Variants in AFAP1L1 observed in about 807,000 individuals in gnomAD.
The protein encoded by AFAP1L1 is actin filament-associated protein 1-like 1.
AFAP1L1 carries 77 observed loss-of-function variants against 99.8 expected under a neutral mutation model. That is an observed-to-expected ratio of 0.77 (90% CI 0.64 to 0.93). The LOEUF (loss-of-function observed/expected upper bound fraction) is 0.93, where lower values mean the gene tolerates loss of function less well. Among genes scored for constraint, AFAP1L1 ranks in the 40% least tolerant of loss-of-function variants. The probability of loss-of-function intolerance (pLI) is 0.00; values close to 1 mark genes in which losing one functional copy is unlikely to be tolerated. For missense variants in AFAP1L1, 893 were observed against 996.8 expected (o/e 0.90, Z 1.40); for synonymous variants, 373 against 395.3 (o/e 0.94, Z 0.67).
chr5:149,300,598 G>A (rs1416932610), intron 3 of AFAP1L1, among the ~76,000 whole-genome samples: 1 of 152,242 alleles, frequency 6.6e-6, no homozygotes, highest in Non-Finnish European at 1.5e-5. Flanking sequence ...AGAAGGCATG[G>A]CACATTAGGG....
rs1277367178 is a variant in AFAP1L1 at position 149,302,455 on chromosome 5, C to A, written c.365C>A (p.Pro122His). ...DLPPPLPNKPPPEDYYEEALP... is the reference protein window; with the variant it reads ...DLPPPLPNKPHPEDYYEEALP... ...CCTCCACCGCTCCCCAACAAGCCTC[C>A]CCCTGAGGACTACTATGAAGAGGCC... Residue 122 changes from proline (P) to histidine (H), a missense_variant, in exon 5 of 19, where the codon CCC (proline) becomes CAC (histidine). By Grantham distance (77) the Pro-to-His change is moderately conservative (BLOSUM62 -2). Transcript: ENST00000296721. The A allele has an allele frequency of 6.3e-7, 1 of 1,596,352 alleles. No individual in the cohort carries two copies. Among genetic ancestry groups the A allele is most frequent in the Non-Finnish European group, 8.5e-7 (1 of 1,171,634 alleles).
intron 14 of AFAP1L1, 23 bp from the exon 15 acceptor site, chr5:149,322,583 T>G (rs1201074744): frequency 2.6e-6 from 4 of 1,545,942 alleles, no homozygotes; most frequent in Non-Finnish European, 3.5e-6. Context: ...TGAACTTGAC[T>G]GTCTTCCTCC....
At position 149,322,591 on chromosome 5, in the gene AFAP1L1, T is replaced by A; in HGVS notation, c.1699-15T>A. 6.4e-7 allele frequency: 1 copy of A among 1,555,356 alleles called. No homozygotes were observed. Among genetic ancestry groups the A allele is most frequent in the Non-Finnish European group, 8.7e-7 (1 of 1,147,756 alleles). On this transcript the variant is annotated splice_polypyrimidine_tract_variant and intron_variant, in intron 14 of 18. Coordinates refer to ENST00000296721, the MANE Select transcript of AFAP1L1 (RefSeq NM_152406.4). ...GCCTGCCTGAACTTGACTGTCTTCC[T>A]CCATCTCCCACCAGGACGAGGAGCC...
At chr5:149,333,600 C>G (rs3098389) in intron 17 of AFAP1L1, among the ~76,000 whole-genome samples, 86,322 of 152,030 alleles carry the variant, frequency 0.57, 25,502 homozygotes, top group African/African-American at 0.73. Context: ...TCTACACCAG[C>G]GCTTCTCAAC....
At chr5:149,325,883 A>C (rs1023633169) in intron 15 of AFAP1L1, among the ~76,000 whole-genome samples, 2 of 152,178 alleles carry the variant, frequency 1.3e-5, no homozygotes, top group African/African-American at 4.8e-5. Flanking sequence ...CCATCCATGA[A>C]GGCAAAGCCC....
intron 15 of AFAP1L1, among the ~76,000 whole-genome samples, chr5:149,323,904 G>A (rs182546101): frequency 3.3e-5 from 5 of 152,282 alleles, no homozygotes; most frequent in Non-Finnish European, 7.4e-5. Flanking sequence ...GAATGTCAAC[G>A]ACAACAACAA....
chr5:149,307,247 C>CA (rs1159936338), intron 6 of AFAP1L1, among the ~76,000 whole-genome samples, 155 bp from the exon 7 acceptor site: 12 of 149,442 alleles, frequency 8.0e-5, no homozygotes, highest in Non-Finnish European at 1.8e-4. Flanking sequence ...ATTCCGTCTC[C>CA]AAAAAAAAAG....
intron 18 of AFAP1L1, among the ~76,000 whole-genome samples, chr5:149,337,013 A>G (rs1339546729): frequency 6.6e-6 from 1 of 152,238 alleles, no homozygotes; most frequent in African/African-American, 2.4e-5. Context: ...AAGGACCTAA[A>G]TTCCAAGCTA....
intron 1 of AFAP1L1, among the ~76,000 whole-genome samples, chr5:149,275,442 T>TTTCTTC (rs201488006): frequency 0.022 from 3,245 of 150,892 alleles, 320 homozygotes; most frequent in Admixed American, 0.17. Context: ...ATCTCTGGTG[T>TTTCTTC]TTCTTCTTCT....
At chr5:149,307,903 C>G (rs1206645037) in intron 7 of AFAP1L1, among the ~76,000 whole-genome samples, 1 of 150,210 alleles carries the variant, frequency 6.7e-6, no homozygotes, top group African/African-American at 2.4e-5. Context: ...CACCTGTAAT[C>G]CCAGCACTTT....
At chr5:149,272,492 G>T (rs1386508128) in intron 1 of AFAP1L1, among the ~76,000 whole-genome samples, 1 of 152,164 alleles carries the variant, frequency 6.6e-6, no homozygotes, top group Admixed American at 6.5e-5. Flanking sequence ...AGGCGGGGGT[G>T]GTTCTATCCC....
chr5:149,292,042 T>C (rs1240272777), intron 1 of AFAP1L1, among the ~76,000 whole-genome samples: 2 of 152,238 alleles, frequency 1.3e-5, no homozygotes, highest in Non-Finnish European at 2.9e-5. Flanking sequence ...AGTTGTATAT[T>C]TTCCTATGGC....
chr5:149,302,353 C>A, intron 4 of AFAP1L1, 65 bp from the exon 5 acceptor site: 1 of 1,225,408 alleles, frequency 8.2e-7, no homozygotes, highest in Non-Finnish European at 1.1e-6. Flanking sequence ...CTGCCTCCCT[C>A]TCCCTCAGCC....
intron 11 of AFAP1L1, among the ~76,000 whole-genome samples, chr5:149,316,730 A>G (rs746838967): frequency 6.6e-6 from 1 of 152,220 alleles, no homozygotes; most frequent in Non-Finnish European, 1.5e-5. Context: ...AATGCATTCA[A>G]TGTGAATTAA....
At chr5:149,324,942 T>C (rs886488673) in intron 15 of AFAP1L1, among the ~76,000 whole-genome samples, 1 of 152,154 alleles carries the variant, frequency 6.6e-6, no homozygotes, top group East Asian at 1.9e-4. Context: ...ACTCTGTCAT[T>C]CTCCAATATC....
In AFAP1L1 at chr5:149,271,996, C is replaced by A; in HGVS notation, c.16+12C>A. On this transcript the variant is annotated intron_variant, in intron 1 of 18. Coordinates refer to ENST00000296721, the MANE Select transcript of AFAP1L1 (RefSeq NM_152406.4). ...GGACCGAGGCCAGGGTAAGAGGGGC[C>A]GCGACGCCCGCACTTGTTGCGGCGC... The A allele has an allele frequency of 8.1e-7, 1 of 1,238,948 alleles. No homozygotes were observed. Among genetic ancestry groups the A allele is most frequent in the Non-Finnish European group, 1.0e-6 (1 of 987,966 alleles). The allele number at this position is 1,238,948 out of a possible 1,614,324, so 76.7% of individuals were successfully genotyped here.
chr5:149,304,342 C>T (rs1756327439), intron 5 of AFAP1L1: 1 of 152,232 alleles, frequency 6.6e-6, no homozygotes, highest in Admixed American at 6.5e-5. Flanking sequence ...CCCTCTTCAG[C>T]CTTGATAGTC....
rs561678115 is a variant in AFAP1L1, at chr5:149,332,365, C to A, written c.1976-330C>A. ...TGAGCTGAGATCACCCACTGCACTC[C>A]ACCCTGGGCGACAGAGCGAGACTCC... On this transcript the variant is annotated intron_variant, in intron 16 of 18. Transcript: ENST00000296721. Among the ~76,000 whole-genome samples, 17 of 151,966 alleles carry A rather than the reference C, an allele frequency of 1.1e-4. No individual in the cohort carries two copies. The South Asian group carries it at 2.3e-3, about 20-fold the overall frequency.
intron 4 of AFAP1L1, 122 bp from the exon 5 acceptor site, chr5:149,302,296 A>T (rs891252526): frequency 1.6e-6 from 1 of 617,136 alleles, no homozygotes; most frequent in African/African-American, 1.9e-5. Context: ...TGGCTCTATA[A>T]AAGGTATGGC....
Sources: gnomAD v4.1 joint callset for allele counts (sites outside exome capture counted in the v4.1 genomes callset) on GRCh38, gnomAD v4.1.1 for gene constraint, MANE v1.5 for transcripts, NCBI Gene and HGNC (gene_info 2026-07-23, HGNC 2026-07-21) for gene names.